The following FAAH2 variants were observed in gnomAD, a reference collection of about 807,000 sequenced individuals.
FAAH2 encodes fatty acid amide hydrolase 2.
Under a neutral mutation model 36.9 loss-of-function variants are expected in FAAH2, and 60 were observed. The observed-to-expected ratio is 1.63, with a 90% confidence interval of 1.32 to 2.02. The LOEUF is 2.02. Among genes scored for constraint, FAAH2 ranks in the 30% most tolerant of loss-of-function variants. The pLI, the probability that FAAH2 is intolerant of heterozygous loss-of-function variation, is 0.00. For synonymous variants in FAAH2, 214 were observed against 143.8 expected (o/e 1.49, Z -3.49); for missense variants, 689 against 397.5 (o/e 1.73, Z -6.23).
At chrX:57,424,325 C>T (rs1409470147) in intron 7 of FAAH2, among the ~76,000 whole-genome samples, 2 of 111,732 alleles carry the variant, frequency 1.8e-5, no homozygotes, top group Admixed American at 9.4e-5. Flanking sequence ...CAGACTACTC[C>T]ATTGCTTGAG....
intron 3 of FAAH2, among the ~76,000 whole-genome samples, chrX:57,316,413 A>T (rs1401710846): frequency 8.9e-6 from 1 of 112,045 alleles, no homozygotes; most frequent in African/African-American, 3.2e-5. Context: ...AAGAGCCTGA[A>T]TAGCCAAAGC....
the FAAH2 span, among the ~76,000 whole-genome samples, chrX:57,262,197 G>A: frequency 9.0e-6 from 1 of 111,405 alleles, no homozygotes; most frequent in Non-Finnish European, 1.9e-5. Flanking sequence ...CGGACTCTCA[G>A]GACCTGAGTA....
the FAAH2 span, among the ~76,000 whole-genome samples, chrX:57,161,929 T>G: frequency 8.9e-6 from 1 of 111,839 alleles, no homozygotes; most frequent in Non-Finnish European, 1.9e-5. Context: ...ATTTTGCTCA[T>G]TAGTTGATGC....
At chrX:57,455,293 T>C (rs1408197194) in intron 10 of FAAH2, among the ~76,000 whole-genome samples, 1 of 111,375 alleles carries the variant, frequency 9.0e-6, no homozygotes, top group South Asian at 3.8e-4. Flanking sequence ...ACCCGAGTTC[T>C]TTAAGAGAGT....
chrX:57,270,697 G>C, the FAAH2 span, among the ~76,000 whole-genome samples: 1 of 111,610 alleles, frequency 9.0e-6, no homozygotes, highest in African/African-American at 3.3e-5. Context: ...CTGAAGTCAG[G>C]TGGGTTGTTG....
chrX:57,342,065 A>G (rs915472329), intron 5 of FAAH2, among the ~76,000 whole-genome samples: 2 of 112,201 alleles, frequency 1.8e-5, no homozygotes, highest in Non-Finnish European at 3.8e-5. Flanking sequence ...ATAGTAAAGC[A>G]GAATATTTTG....
At chrX:57,483,656 A>G in intron 10 of FAAH2, among the ~76,000 whole-genome samples, 1 of 104,841 alleles carries the variant, frequency 9.5e-6, no homozygotes, top group Non-Finnish European at 1.9e-5. Flanking sequence ...TTTGAAATTT[A>G]TTTTTGTTCA....
At chrX:57,312,932 T>C (rs984340340) in intron 3 of FAAH2, among the ~76,000 whole-genome samples, 1 of 111,592 alleles carries the variant, frequency 9.0e-6, no homozygotes, top group Admixed American at 9.6e-5. Context: ...TGGGTGTCAA[T>C]GAAACTTACT....
At chrX:57,348,340 T>C (rs1361073332) in intron 5 of FAAH2, among the ~76,000 whole-genome samples, 2 of 111,092 alleles carry the variant, frequency 1.8e-5, no homozygotes, top group Middle Eastern at 4.6e-3. Context: ...CATGAGCACA[T>C]AATGCTTGGG....
chrX:57,273,834 C>T, the FAAH2 span, among the ~76,000 whole-genome samples: 1 of 111,398 alleles, frequency 9.0e-6, no homozygotes, highest in Non-Finnish European at 1.9e-5. Context: ...GATGCCCTAA[C>T]ATCAAAATTA....
At chrX:57,282,397 CT>C (rs1427058110), upstream of FAAH2, among the ~76,000 whole-genome samples, 1 of 111,754 alleles carries the variant, frequency 8.9e-6, no homozygotes, top group Non-Finnish European at 1.9e-5. Context: ...ATGTTTCTTG[CT>C]CACTTTTTAA....
intron 7 of FAAH2, chrX:57,395,193 T>A: frequency 1.9e-6 from 1 of 538,599 alleles, no homozygotes; most frequent in East Asian, 3.8e-5. Flanking sequence ...TGGTTGTTCT[T>A]GGTAACTTAA....
chrX:57,426,676 ATAAAT>A (rs2056170707), intron 7 of FAAH2, among the ~76,000 whole-genome samples: 2 of 112,171 alleles, frequency 1.8e-5, no homozygotes, highest in African/African-American at 6.5e-5. Context: ...AAATGTAGAC[ATAAAT>A]TAAATAATAT....
intron 3 of FAAH2, among the ~76,000 whole-genome samples, chrX:57,319,849 G>T (rs911057725): frequency 9.0e-6 from 1 of 111,341 alleles, no homozygotes; most frequent in South Asian, 3.8e-4. Flanking sequence ...CAGAACAGAG[G>T]CCTCAGAAAT....
intron 8 of FAAH2, among the ~76,000 whole-genome samples, chrX:57,443,327 A>C (rs144884974): frequency 9.0e-6 from 1 of 111,309 alleles, no homozygotes; most frequent in African/African-American, 3.3e-5. Context: ...GTTTTTCTCT[A>C]AACTTCTGTT....
chrX:57,449,327 C>T (rs908338326), intron 10 of FAAH2, among the ~76,000 whole-genome samples: 4 of 111,608 alleles, frequency 3.6e-5, no homozygotes, highest in Non-Finnish European at 7.5e-5. Flanking sequence ...ATAGAGAACT[C>T]TTCATCAAAT....
chrX:57,150,948 C>A, the FAAH2 span, among the ~76,000 whole-genome samples: 1 of 112,111 alleles, frequency 8.9e-6, no homozygotes, highest in Admixed American at 9.4e-5. Flanking sequence ...TCTTTTAGGG[C>A]AGGCCTGGTG....
In FAAH2 at chrX:57,310,733, C is replaced by T; in HGVS notation, c.412+4C>T. The T allele has an allele frequency of 8.4e-7, 1 of 1,186,514 alleles. No homozygotes were observed. Among genetic ancestry groups the T allele is most frequent in the South Asian group, 1.9e-5 (1 of 51,440 alleles). ...AAGGAAGCTTTCCAGCTACAAGGTACTATTCTTTTATTTTTGGCTACATGA... is the reference window on the plus strand; with the variant it reads ...AAGGAAGCTTTCCAGCTACAAGGTATTATTCTTTTATTTTTGGCTACATGA... On this transcript the variant is annotated splice_donor_region_variant and intron_variant, in intron 3 of 10. Coordinates refer to ENST00000374900, the MANE Select transcript of FAAH2 (RefSeq NM_174912.4).
intron 8 of FAAH2, 70 bp downstream of exon 8, chrX:57,432,107 A>G (rs1047031566): frequency 1.0e-6 from 1 of 959,408 alleles, no homozygotes. Context: ...ATTGTGGTCC[A>G]TATGTTAGAG....
Sources: gnomAD v4.1 joint callset for allele counts (sites outside exome capture counted in the v4.1 genomes callset) on GRCh38, gnomAD v4.1.1 for gene constraint, MANE v1.5 for transcripts, NCBI Gene and HGNC (gene_info 2026-07-23, HGNC 2026-07-21) for gene names.